Variants in DYNC2H1 observed in about 807,000 individuals in gnomAD.
DYNC2H1 encodes dynein cytoplasmic 2 heavy chain 1.
A neutral mutation model predicts 570.0 loss-of-function variants in DYNC2H1; 410 were observed. That is an observed-to-expected ratio of 0.72 (90% CI 0.66 to 0.78). The LOEUF (loss-of-function observed/expected upper bound fraction) is 0.78, where lower values mean the gene tolerates loss of function less well. DYNC2H1 is among the 30% of genes least tolerant of loss of function. The pLI is 0.00. For missense variants in DYNC2H1, 4,865 were observed against 5,046.4 expected (o/e 0.96, Z 1.09); for synonymous variants, 1,688 against 1,677.6 (o/e 1.01, Z -0.15).
intron 82 of DYNC2H1, among the ~76,000 whole-genome samples, chr11:103,331,291 C>T (rs1047942792): frequency 6.6e-6 from 1 of 152,204 alleles, no homozygotes; most frequent in African/African-American, 2.4e-5. Flanking sequence ...TACCCCCTTA[C>T]AGGCTTTTTC....
At chr11:103,440,863 T>C (rs1208937927) in intron 85 of DYNC2H1, among the ~76,000 whole-genome samples, 3 of 152,110 alleles carry the variant, frequency 2.0e-5, no homozygotes, top group Non-Finnish European at 2.9e-5. Flanking sequence ...GAGGTACCTT[T>C]TACTATCCGT....
chr11:103,261,862 C>T lies in DYNC2H1; in HGVS notation c.10695+1885C>T, dbSNP rs1865305801. Among the ~76,000 whole-genome samples the T allele has an allele frequency of 6.6e-6, 1 of 152,122 alleles. No homozygotes were observed. The highest frequency in any genetic ancestry group is 2.4e-5 in the African/African-American group (1 of 41,410). On this transcript the variant is annotated intron_variant, in intron 70 of 88. Coordinates refer to ENST00000375735, the MANE Select transcript of DYNC2H1 (RefSeq NM_001377.3). The surrounding 1 kb of genome is among the most constrained non-coding windows in gnomAD (Gnocchi z 4.8). ...ACGGAGAATGAGTTTGATGAACTGA[C>T]AGAAGTAGGCTTCAGAAGGTGGGTA...
intron 42 of DYNC2H1, among the ~76,000 whole-genome samples, chr11:103,187,115 GA>G (rs1943824991): frequency 6.6e-6 from 1 of 151,858 alleles, no homozygotes. Flanking sequence ...TTTTTTGGCT[GA>G]AAACAGTCCT....
chr11:103,309,168 A>ATTTTTTTTTTTTTTT lies in DYNC2H1; in HGVS notation c.11493+1347_11493+1361dup, dbSNP rs386374721. Among the ~76,000 whole-genome samples, 44 of 54,640 alleles carry ATTTTTTTTTTTTTTT rather than the reference A, an allele frequency of 8.1e-4. 7 individuals carry two copies. Among genetic ancestry groups the ATTTTTTTTTTTTTTT allele is most frequent in the Non-Finnish European group, 1.1e-3 (32 of 29,370 alleles). 35.8% of individuals were successfully genotyped at this position (54,640 alleles called of 152,430 possible). A position where few individuals can be genotyped will look rare whatever the true frequency, so the allele number is the denominator to read the frequency against. On this transcript the variant is annotated intron_variant, in intron 78 of 88. Transcript: ENST00000375735. ...TTATTAGTGTTTGTAACTGCATGCTATTTTTTTTTTTTTTTTTTTTTTTTG... is the reference window on the plus strand; with the variant it reads ...TTATTAGTGTTTGTAACTGCATGCTATTTTTTTTTTTTTTTTTTTTTTTTTTTTTTTTTTTTTTTG...
At chr11:103,456,577 A>G (rs1565615127) in intron 87 of DYNC2H1, among the ~76,000 whole-genome samples, 2 of 152,212 alleles carry the variant, frequency 1.3e-5, no homozygotes, top group Non-Finnish European at 2.9e-5. Context: ...TGGGGATACA[A>G]TATTTGAAAG....
chr11:103,417,441 G>T (rs1425661901), intron 84 of DYNC2H1, among the ~76,000 whole-genome samples: 1 of 152,066 alleles, frequency 6.6e-6, no homozygotes, highest in East Asian at 1.9e-4. Context: ...GACATTATAG[G>T]TGAAAACCCT....
Position 103,141,985 on chromosome 11 carries a change from A to T in DYNC2H1, c.2575-1283A>T, listed in dbSNP as rs576284349. ...GACTGCTGTGCTAGCAGTCAGCGAGACTCCATGGGCATAGGACCCTCCCAG... is the reference window on the plus strand; with the variant it reads ...GACTGCTGTGCTAGCAGTCAGCGAGTCTCCATGGGCATAGGACCCTCCCAG... On this transcript the variant is annotated intron_variant, in intron 17 of 88. Coordinates refer to ENST00000375735, the MANE Select transcript of DYNC2H1 (RefSeq NM_001377.3). Among the ~76,000 whole-genome samples the T allele has an allele frequency of 8.5e-5, 13 of 152,096 alleles. No homozygotes were observed. The East Asian group carries it at 2.3e-3, about 27-fold the overall frequency.
At chr11:103,468,468 T>G in intron 87 of DYNC2H1, 121 bp from the exon 88 acceptor site, 1 of 638,166 alleles carries the variant, frequency 1.6e-6, no homozygotes, top group Non-Finnish European at 2.7e-6. Flanking sequence ...ATAATCTTTG[T>G]TTTCATATAT....
At chr11:103,405,010 A>C (rs1942800865) in intron 84 of DYNC2H1, 1 of 151,836 alleles carries the variant, frequency 6.6e-6, no homozygotes, top group African/African-American at 2.4e-5. Flanking sequence ...TAGGAAGCCA[A>C]TTGATATTAT....
intron 88 of DYNC2H1, among the ~76,000 whole-genome samples, chr11:103,469,287 G>GA (rs1344217425): frequency 3.3e-5 from 5 of 152,072 alleles, no homozygotes; most frequent in Non-Finnish European, 5.9e-5. Context: ...AACCATTATT[G>GA]AAAAAACTTT....
chr11:103,435,907 T>C (rs377321106), intron 84 of DYNC2H1, 36 bp from the exon 85 acceptor site: 24 of 1,599,342 alleles, frequency 1.5e-5, no homozygotes, highest in Non-Finnish European at 2.0e-5. Flanking sequence ...TAGTATCATA[T>C]ACACAAACTT....
At chr11:103,116,511 A>G in intron 4 of DYNC2H1, 59 bp from the exon 5 acceptor site, 1 of 1,363,598 alleles carries the variant, frequency 7.3e-7, no homozygotes, top group Non-Finnish European at 9.8e-7. Flanking sequence ...GAACATTTTG[A>G]TTATATTACC....
intron 32 of DYNC2H1, 125 bp from the exon 33 acceptor site, chr11:103,169,983 C>G: frequency 4.5e-6 from 4 of 879,812 alleles, no homozygotes; most frequent in Non-Finnish European, 6.4e-6. Flanking sequence ...GGATATTTTT[C>G]TGTGTTAAAA....
chr11:103,110,313 A>G (rs528851445), intron 1 of DYNC2H1, among the ~76,000 whole-genome samples: 2 of 152,158 alleles, frequency 1.3e-5, no homozygotes, highest in African/African-American at 4.8e-5. Context: ...CGCCCGGCCT[A>G]TATTCTACTT....
chr11:103,282,184 G>T lies in DYNC2H1; in HGVS notation c.10767G>T (p.Trp3589Cys). Residue 3589 changes from tryptophan to cysteine, a missense_variant, in exon 72 of 89, where the codon TGG (tryptophan) becomes TGT (cysteine). Trp to Cys is a radical substitution (Grantham distance 215). Around this residue, in one of 5 missense-constraint regions of DYNC2H1, gnomAD observed 2,401 missense variants for 2,454.6 expected, o/e 0.98. Transcript: ENST00000375735. Reference sequence around the variant, plus strand: ...CCTATATTTTTATTCAATAGGAATGGGATACGTTTACAGGTGTGGTTGTTG... The same window carrying T: ...CCTATATTTTTATTCAATAGGAATGTGATACGTTTACAGGTGTGGTTGTTG... ...MHPELFQENE[W>C]DTFTGVVVGD... The T allele has an allele frequency of 6.2e-7, 1 of 1,606,720 alleles. No individual in the cohort carries two copies. Among genetic ancestry groups the T allele is most frequent in the Non-Finnish European group, 8.5e-7 (1 of 1,176,890 alleles).
chr11:103,321,269 C>A (rs747616655), intron 81 of DYNC2H1, 32 bp downstream of exon 81: 1 of 1,539,784 alleles, frequency 6.5e-7, no homozygotes, highest in Non-Finnish European at 8.9e-7. Flanking sequence ...CAATCTATTT[C>A]CAGGTAGATA....
Position 103,168,255 on chromosome 11 carries a change from G to A in DYNC2H1, c.4763-500G>A, listed in dbSNP as rs574418067. On this transcript the variant is annotated intron_variant, in intron 31 of 88. Transcript: ENST00000375735. ...TCCTTCTAAAGCCTGAGCTAGAGGT[G>A]GTTTTCTAGAGATCTGTCTACACCA... is the stretch of plus-strand genomic sequence containing the variant. 8.5e-5 allele frequency among the ~76,000 whole-genome samples: 13 copies of A among 152,262 alleles called. No homozygotes were observed. In the East Asian group the frequency reaches 1.6e-3, roughly 18 times the overall value.
rs1412702754 is a variant in DYNC2H1, at chr11:103,293,801, G to A, written c.11095+6196G>A. ...ATTAAATTTCTCTGATATAGGCCAG[G>A]CACAGTGGCTCACACCTGTAATCTC... is the stretch of plus-strand genomic sequence containing the variant. On this transcript the variant is annotated intron_variant, in intron 75 of 88. Transcript: ENST00000375735. Among the ~76,000 whole-genome samples the A allele has an allele frequency of 1.3e-5, 2 of 152,028 alleles. 1 individual carries two copies. Among genetic ancestry groups the A allele is most frequent in the Non-Finnish European group, 2.9e-5 (2 of 68,020 alleles).
chr11:103,230,253 A>C (rs1198203161), intron 59 of DYNC2H1, among the ~76,000 whole-genome samples: 1 of 152,082 alleles, frequency 6.6e-6, no homozygotes, highest in African/African-American at 2.4e-5. Context: ...CTTGGTTGTT[A>C]GTTATTAATC....
Sources: allele counts gnomAD v4.1 joint callset (sites outside exome capture counted in the v4.1 genomes callset), GRCh38; gene constraint gnomAD v4.1.1; regional missense constraint gnomAD v4.1.1; non-coding constraint Gnocchi (gnomAD v3.1); transcripts MANE v1.5; gene names NCBI Gene and HGNC (gene_info 2026-07-23, HGNC 2026-07-21).